SORCS2: variants seen among roughly 807,000 people sequenced by gnomAD.
SORCS2 encodes the protein sortilin related VPS10 domain containing receptor 2, also known as VPS10 domain-containing receptor SorCS2.
A neutral mutation model predicts 141.6 loss-of-function variants in SORCS2; 100 were observed. That is an observed-to-expected ratio of 0.71 (90% CI 0.60 to 0.83). SORCS2 has a LOEUF of 0.83. SORCS2 is among the 40% of genes least tolerant of loss of function. The pLI is 0.00. For missense variants in SORCS2, 1,646 were observed against 1,560.2 expected (o/e 1.05, Z -0.93); for synonymous variants, 789 against 676.9 (o/e 1.17, Z -2.57).
chr4:7,573,042 T>C (rs1295061618), intron 3 of SORCS2, among the ~76,000 whole-genome samples: 1 of 152,232 alleles, frequency 6.6e-6, no homozygotes, highest in East Asian at 1.9e-4. Flanking sequence ...TGATCTTGAA[T>C]GGACAAGCTG....
At chr4:7,618,745 C>G (rs1299008085) in intron 3 of SORCS2, among the ~76,000 whole-genome samples, 1 of 152,146 alleles carries the variant, frequency 6.6e-6, no homozygotes, top group Non-Finnish European at 1.5e-5. Flanking sequence ...CTAGGACTTG[C>G]ATCTTATTAC....
chr4:7,673,115 C>T (rs115093085), intron 8 of SORCS2, among the ~76,000 whole-genome samples: 4,761 of 152,270 alleles, frequency 0.031, 123 homozygotes, highest in Middle Eastern at 0.051. Context: ...CAACATGAAG[C>T]GAAAATTGCC....
chr4:7,647,509 C>T lies in SORCS2; in HGVS notation c.814-6625C>T, dbSNP rs1414401191. 2.6e-5 allele frequency among the ~76,000 whole-genome samples: 4 copies of T among 152,206 alleles called. No homozygotes were observed. In the East Asian group the frequency reaches 7.7e-4, roughly 29 times the overall value. ...CGGGACACCTTTGCCAGGACAGTTC[C>T]ATGATGCAGGGCCCTGTCTGCTTTT... On this transcript the variant is annotated intron_variant, in intron 4 of 26. Transcript: ENST00000507866.
chr4:7,270,932 C>T (rs576136611), intron 1 of SORCS2, among the ~76,000 whole-genome samples: 5 of 152,230 alleles, frequency 3.3e-5, no homozygotes, highest in African/African-American at 4.8e-5. Flanking sequence ...CTCGCTTGTT[C>T]GTTTGTTGGT....
At chr4:7,434,184 A>C (rs918742341) in intron 2 of SORCS2, 1 of 1,613,890 alleles carries the variant, frequency 6.2e-7, no homozygotes, top group South Asian at 1.1e-5. Context: ...CAGCAGGGAC[A>C]AAAAACTGGA....
intron 1 of SORCS2, among the ~76,000 whole-genome samples, chr4:7,240,015 C>T (rs574776440): frequency 6.6e-6 from 1 of 152,158 alleles, no homozygotes; most frequent in African/African-American, 2.4e-5. Context: ...AAGCTCTGCT[C>T]TCCACAGAAG....
intron 2 of SORCS2, among the ~76,000 whole-genome samples, chr4:7,498,668 C>G (rs1075760): frequency 0.29 from 44,840 of 152,180 alleles, 7,068 homozygotes; most frequent in Middle Eastern, 0.4. Context: ...AGCCCCTGAT[C>G]CCAAGATCAT....
chr4:7,494,150 C>T (rs1314570347), intron 2 of SORCS2, among the ~76,000 whole-genome samples: 5 of 152,150 alleles, frequency 3.3e-5, no homozygotes, highest in African/African-American at 4.8e-5. Flanking sequence ...GAATATAGTT[C>T]GTATCTTTTG....
At chr4:7,645,735 G>A (rs1721031049) in intron 4 of SORCS2, among the ~76,000 whole-genome samples, 1 of 152,162 alleles carries the variant, frequency 6.6e-6, no homozygotes, top group African/African-American at 2.4e-5. Context: ...TGTTCTAGGG[G>A]ATGAAAACTT....
chr4:7,737,047 C>T lies in SORCS2; in HGVS notation c.3312-22C>T, dbSNP rs112787266. The T allele has an allele frequency of 1.4e-4, 221 of 1,550,342 alleles. 2 individuals are homozygous for T. Among genetic ancestry groups the T allele is most frequent in the African/African-American group, 3.7e-4 (27 of 73,136 alleles). ...CCTGGGAAGCCCCTCCAAGCTGAGC[C>T]GCCCTTGCCTCTGTCCAGCAGGAAA... On this transcript the variant is annotated intron_variant, in intron 25 of 26. Transcript: ENST00000507866.
chr4:7,262,899 G>A (rs565124452), intron 1 of SORCS2, among the ~76,000 whole-genome samples: 3 of 152,336 alleles, frequency 2.0e-5, no homozygotes, highest in East Asian at 1.9e-4. Context: ...GAAAATCACC[G>A]CAGGGCTCAG....
chr4:7,459,353 G>T (rs543624390), intron 2 of SORCS2, among the ~76,000 whole-genome samples: 1 of 152,282 alleles, frequency 6.6e-6, no homozygotes, highest in East Asian at 1.9e-4. Flanking sequence ...GAGACATGAG[G>T]TGGGGGTCAG....
chr4:7,369,181 T>G (rs542583999), intron 1 of SORCS2, among the ~76,000 whole-genome samples: 2 of 152,240 alleles, frequency 1.3e-5, no homozygotes, highest in South Asian at 4.1e-4. Flanking sequence ...AGTGGTGGCG[T>G]GCACCTGTAA....
intron 1 of SORCS2, among the ~76,000 whole-genome samples, chr4:7,257,996 C>T (rs1294415274): frequency 6.6e-6 from 1 of 152,214 alleles, no homozygotes; most frequent in Admixed American, 6.5e-5. Flanking sequence ...GGCTACAGCT[C>T]TCACCCGCCC....
At chr4:7,533,543 G>A (rs978900556) in intron 3 of SORCS2, among the ~76,000 whole-genome samples, 1 of 152,156 alleles carries the variant, frequency 6.6e-6, no homozygotes, top group Non-Finnish European at 1.5e-5. Context: ...GGGACACTCC[G>A]CTCCTGTCTT....
intron 5 of SORCS2, 110 bp downstream of exon 5, chr4:7,654,317 C>A: frequency 1.8e-6 from 2 of 1,136,348 alleles, no homozygotes; most frequent in Non-Finnish European, 1.3e-6. Context: ...CCTCTGGACC[C>A]TCCCCATCCC....
intron 12 of SORCS2, among the ~76,000 whole-genome samples, chr4:7,701,215 A>C (rs1337378398): frequency 4.4e-5 from 6 of 137,440 alleles, no homozygotes; most frequent in African/African-American, 1.6e-4. Context: ...GAGGGAGAGA[A>C]GGGGGAAGGG....
chr4:7,381,402 G>T (rs772516294), intron 1 of SORCS2, among the ~76,000 whole-genome samples: 2 of 152,184 alleles, frequency 1.3e-5, no homozygotes, highest in South Asian at 2.1e-4. Context: ...CCAAAGCCAC[G>T]CAGTGTTAGA....
intron 1 of SORCS2, among the ~76,000 whole-genome samples, chr4:7,257,582 G>A (rs944839405): frequency 3.9e-5 from 6 of 152,266 alleles, no homozygotes; most frequent in African/African-American, 1.2e-4. Flanking sequence ...AATAGCTTGT[G>A]TCCTGCACAC....
Sources: allele counts gnomAD v4.1 joint callset (sites outside exome capture counted in the v4.1 genomes callset), GRCh38; gene constraint gnomAD v4.1.1; transcripts MANE v1.5; gene names NCBI Gene and HGNC (gene_info 2026-07-23, HGNC 2026-07-21).